The following C2CD3 variants were observed in gnomAD, a reference collection of about 807,000 sequenced individuals.
C2CD3 encodes the protein C2 domain containing 3 centriole elongation regulator, also known as C2 domain-containing protein 3.
C2CD3 carries 148 observed loss-of-function variants against 234.0 expected under a neutral mutation model. The observed-to-expected ratio is 0.63, with a 90% confidence interval of 0.55 to 0.72. The LOEUF (loss-of-function observed/expected upper bound fraction) is 0.72. C2CD3 is among the 30% of genes least tolerant of loss of function. The probability of loss-of-function intolerance (pLI) is 0.00; values close to 1 mark genes in which losing one functional copy is unlikely to be tolerated. For missense variants in C2CD3, 2,577 were observed against 2,811.5 expected (o/e 0.92, Z 1.89); for synonymous variants, 1,000 against 1,035.4 (o/e 0.97, Z 0.66).
At chr11:74,017,966 G>T (rs1451797216) in intron 32 of C2CD3, among the ~76,000 whole-genome samples, 1 of 152,198 alleles carries the variant, frequency 6.6e-6, no homozygotes, top group East Asian at 1.9e-4. Context: ...AAGTATCTGA[G>T]GGACTTTCTC....
chr11:74,098,828 A>G (rs569870092), intron 15 of C2CD3, among the ~76,000 whole-genome samples: 34 of 152,332 alleles, frequency 2.2e-4, no homozygotes, highest in African/African-American at 8.2e-4. Flanking sequence ...GCTCTGATAA[A>G]TGATTTATAA....
intron 14 of C2CD3, among the ~76,000 whole-genome samples, chr11:74,101,121 T>TAA (rs902482508): frequency 1.3e-5 from 2 of 152,206 alleles, no homozygotes; most frequent in Non-Finnish European, 2.9e-5. Context: ...TAGCATTTAA[T>TAA]AAAATGGCCA....
chr11:74,098,421 A>C (rs1956191527), intron 15 of C2CD3, among the ~76,000 whole-genome samples, 166 bp from the exon 16 acceptor site: 1 of 152,222 alleles, frequency 6.6e-6, no homozygotes, highest in African/African-American at 2.4e-5. Context: ...TACCAAATAA[A>C]AATTACCAGG....
Position 74,013,400 on chromosome 11 carries a change from G to A in C2CD3, c.7047C>T (p.Tyr2349=). The A allele has an allele frequency of 8.7e-7, 1 of 1,150,998 alleles. No homozygotes were observed. Among genetic ancestry groups the A allele is most frequent in the Non-Finnish European group, 1.2e-6 (1 of 864,278 alleles). 71.3% of individuals were successfully genotyped at this position (1,150,998 alleles called of 1,614,324 possible). Residue 2349 remains tyrosine (Y), a synonymous_variant, in exon 33 of 33, where the codon TAC becomes TAT. Coordinates refer to ENST00000334126, the MANE Select transcript of C2CD3 (RefSeq NM_001286577.2). ...TCAGGCTGCGTCAGTCTTTCTGGGA[G>A]TACTGAGAAGAAAATATCCGTGCAA... The part of the protein sequence containing the change: ...LRIARIFSSQ[Y]SQKD
chr11:74,084,893 T>C lies in C2CD3; in HGVS notation c.3988A>G (p.Ile1330Val), dbSNP rs1955570731. Residue 1330 changes from isoleucine (I) to valine (V), a missense_variant, in exon 22 of 33, where the codon ATC becomes GTC. Coordinates refer to ENST00000334126, the MANE Select transcript of C2CD3 (RefSeq NM_001286577.2). ...CCAGGATCCTTACCAGATCTCTTGATCAGCAGCTCTTTTGTTGGAACTTTT... is the reference window on the plus strand; with the variant it reads ...CCAGGATCCTTACCAGATCTCTTGACCAGCAGCTCTTTTGTTGGAACTTTT... ...VVKVPTKELL[I>V]KRSGITGWYP... 1.2e-6 allele frequency: 2 copies of C among 1,604,656 alleles called. No individual in the cohort carries two copies. Among genetic ancestry groups the C allele is most frequent in the Non-Finnish European group, 1.7e-6 (2 of 1,171,500 alleles).
intron 22 of C2CD3, 32 bp downstream of exon 22, chr11:74,084,849 G>A: frequency 8.0e-7 from 1 of 1,256,648 alleles, no homozygotes; most frequent in South Asian, 1.2e-5. Context: ...GGGAAAGGGT[G>A]GCATCAGAAA....
chr11:74,074,420 G>A lies in C2CD3; in HGVS notation c.4784C>T (p.Ser1595Phe). Reference protein sequence around the residue: ...LPRRNDEVQLSPPEVISCHQK... With the variant: ...LPRRNDEVQLFPPEVISCHQK... ...GTGGCAGGAGATGACTTCTGGTGGA[G>A]AGAGCTGGACCTCATCATTCCTTCT... The change falls in exon 24 of 33, where the codon TCT becomes TTT. Residue 1595 changes from serine (S) to phenylalanine (F), a missense_variant. Physicochemically the swap from Ser to Phe is radical, Grantham distance 155 (BLOSUM62 -2). Transcript: ENST00000334126. 1.2e-6 allele frequency: 2 copies of A among 1,614,246 alleles called. No individual in the cohort carries two copies. The highest frequency in any genetic ancestry group is 8.5e-7 in the Non-Finnish European group (1 of 1,180,038).
chr11:74,100,687 G>C lies in C2CD3; in HGVS notation c.2581-11C>G, dbSNP rs1956282781. The stretch of plus-strand genomic sequence containing the variant: ...AGAGACAGGAATCACCTAAGAGAGA[G>C]GAACAACCAAAACAAACAAAAAACT... On this transcript the variant is annotated splice_polypyrimidine_tract_variant and intron_variant, in intron 14 of 32. Transcript: ENST00000334126. 11 of 1,590,992 alleles carry C rather than the reference G, an allele frequency of 6.9e-6. No homozygotes were observed. The African/African-American group carries it at 9.5e-5, about 14-fold the overall frequency.
chr11:74,150,424 G>A (rs1855521528), intron 3 of C2CD3, among the ~76,000 whole-genome samples: 2 of 137,872 alleles, frequency 1.5e-5, no homozygotes, highest in Non-Finnish European at 3.1e-5. Context: ...GGAAGCAGAG[G>A]TTGCAGTGAG....
At position 74,033,468 on chromosome 11, in the gene C2CD3, T is replaced by A; in HGVS notation, c.6692A>T (p.Asn2231Ile). 6.5e-7 allele frequency: 1 copy of A among 1,536,212 alleles called. No homozygotes were observed. The highest frequency in any genetic ancestry group is 8.7e-7 in the Non-Finnish European group (1 of 1,146,914). The change falls in exon 31 of 33, where the codon AAT becomes ATT. Residue 2231 changes from asparagine (N) to isoleucine (I), a missense_variant. Physicochemically the swap from Asn to Ile is moderately radical, Grantham distance 149. Transcript: ENST00000334126. ...SADSFKKLPL[N>I]LASQSRRENH... ...TTCCCTTCTGCTCTGGGAGGCTAGATTTAGCGGCAACTTCTTGAAGCTATC... is the reference window on the plus strand; with the variant it reads ...TTCCCTTCTGCTCTGGGAGGCTAGAATTAGCGGCAACTTCTTGAAGCTATC...
intron 31 of C2CD3, 123 bp from the exon 32 acceptor site, chr11:74,028,521 A>G (rs1243743366): frequency 3.0e-6 from 2 of 661,610 alleles, no homozygotes; most frequent in Admixed American, 3.0e-5. Context: ...ATTCTTGTCC[A>G]TAAATTCTTT....
At chr11:74,106,938 T>G (rs547230724) in intron 12 of C2CD3, among the ~76,000 whole-genome samples, 1 of 152,360 alleles carries the variant, frequency 6.6e-6, no homozygotes, top group African/African-American at 2.4e-5. Flanking sequence ...AATATGCTTT[T>G]GGATGGCAAA....
intron 32 of C2CD3, among the ~76,000 whole-genome samples, chr11:74,026,415 G>A (rs1173646209): frequency 6.6e-6 from 1 of 152,162 alleles, no homozygotes; most frequent in African/African-American, 2.4e-5. Context: ...GGAAGAGGAT[G>A]GGGAAAGGAA....
At chr11:74,077,807 ATATATATATATATATATAT>A (rs1472730328) in intron 23 of C2CD3, among the ~76,000 whole-genome samples, 1 of 23,316 alleles carries the variant, frequency 4.3e-5, no homozygotes, top group Non-Finnish European at 8.2e-5. Context: ...ATATATATAT[ATATATATATATATATATAT>A]ATATATATAT....
At chr11:74,063,379 A>G (rs1444192206) in intron 24 of C2CD3, among the ~76,000 whole-genome samples, 1 of 152,192 alleles carries the variant, frequency 6.6e-6, no homozygotes, top group Non-Finnish European at 1.5e-5. Flanking sequence ...AAAATCCTCA[A>G]TAAAATACTG....
At chr11:74,154,602 A>C (rs1488797751) in intron 3 of C2CD3, among the ~76,000 whole-genome samples, 1 of 152,190 alleles carries the variant, frequency 6.6e-6, no homozygotes, top group Non-Finnish European at 1.5e-5. Context: ...GGGTTGATAC[A>C]TTTTCCTATG....
intron 17 of C2CD3, 33 bp downstream of exon 17, chr11:74,095,195 A>G (rs374421783): frequency 1.3e-5 from 19 of 1,441,520 alleles, no homozygotes; most frequent in African/African-American, 2.9e-5. Context: ...AAAGAACCAT[A>G]TAAGAATAAG....
At chr11:74,085,059 T>C (rs558102387) in intron 21 of C2CD3, 89 bp from the exon 22 acceptor site, 3 of 683,410 alleles carry the variant, frequency 4.4e-6, no homozygotes, top group East Asian at 2.6e-5. Context: ...CCTCCCCTTA[T>C]ATGCACTAAA....
chr11:74,116,748 G>A (rs1413225955), intron 9 of C2CD3, among the ~76,000 whole-genome samples: 2 of 148,976 alleles, frequency 1.3e-5, no homozygotes, highest in African/African-American at 4.9e-5. Context: ...ATCAATGAAT[G>A]GATAAAGAAA....
Sources: allele counts gnomAD v4.1 joint callset (sites outside exome capture counted in the v4.1 genomes callset), GRCh38; gene constraint gnomAD v4.1.1; transcripts MANE v1.5; gene names NCBI Gene and HGNC (gene_info 2026-07-23, HGNC 2026-07-21).